ANK3: variants seen among roughly 807,000 people sequenced by gnomAD.
ANK3 encodes the protein ankyrin 3.
In ANK3, 57 loss-of-function variants were observed where a neutral mutation model predicts 370.9. The observed-to-expected ratio is 0.15, with a 90% CI of 0.12 to 0.19. The LOEUF is 0.19. ANK3 is among the 10% of genes least tolerant of loss of function. The pLI is 1.00. For synonymous variants in ANK3, 1,929 were observed against 1,946.3 expected (o/e 0.99, Z 0.23); for missense variants, 4,439 against 5,302.1 (o/e 0.84, Z 5.06).
intron 2 of ANK3, among the ~76,000 whole-genome samples, chr10:60,497,122 T>G (rs1385366824): frequency 6.6e-6 from 1 of 151,946 alleles, no homozygotes; most frequent in African/African-American, 2.4e-5. Flanking sequence ...GGCAACATGG[T>G]GAGATGCTGT....
At chr10:60,042,167 T>A (rs2131864921) in intron 43 of ANK3, among the ~76,000 whole-genome samples, 1 of 152,310 alleles carries the variant, frequency 6.6e-6, no homozygotes, top group South Asian at 2.1e-4. Flanking sequence ...AACCTCCTAT[T>A]TTTTCCTTTT....
intron 2 of ANK3, among the ~76,000 whole-genome samples, chr10:60,544,481 T>C (rs1246690376): frequency 6.6e-6 from 1 of 152,116 alleles, no homozygotes; most frequent in Non-Finnish European, 1.5e-5. Flanking sequence ...GCTTTCCATT[T>C]TTCCCCTATA....
intron 42 of ANK3, among the ~76,000 whole-genome samples, chr10:60,049,368 C>T (rs964145954): frequency 1.3e-5 from 2 of 152,194 alleles, no homozygotes; most frequent in African/African-American, 4.8e-5. Context: ...GTGGGCAGAT[C>T]ACAAGGTCAA....
At chr10:60,113,638 A>G (rs1376318025) in intron 26 of ANK3, among the ~76,000 whole-genome samples, 1 of 152,160 alleles carries the variant, frequency 6.6e-6, no homozygotes, top group Non-Finnish European at 1.5e-5. Flanking sequence ...TGGGCCCAGG[A>G]GGTAGAGGTT....
chr10:60,055,950 G>C lies in ANK3; in HGVS notation c.12773C>G (p.Thr4258Ser). Residue 4258 changes from threonine to serine, a missense_variant, in exon 42 of 44, where the codon ACT becomes AGT. By Grantham distance (58) the Thr-to-Ser change is moderately conservative. Around this residue, in one of 13 missense-constraint regions of ANK3, gnomAD observed 242 missense variants for 228.0 expected, o/e 1.06. Coordinates refer to ENST00000280772, the MANE Select transcript of ANK3 (RefSeq NM_020987.5). The stretch of plus-strand genomic sequence containing the variant: ...GTAAGATTTTGTCTTTGCTTCTGGA[G>C]TGATTTCTGTATGGCTTCCATTTGC... ...FEANGSHTEI[T>S]PEAKTKSYFP... is the part of the protein sequence containing the mutation. The C allele has an allele frequency of 1.9e-6, 3 of 1,614,082 alleles. No individual in the cohort carries two copies. The South Asian group carries it at 3.3e-5, about 18-fold the overall frequency.
chr10:60,551,217 A>G (rs1016244260), intron 2 of ANK3, among the ~76,000 whole-genome samples: 2 of 152,162 alleles, frequency 1.3e-5, no homozygotes, highest in Non-Finnish European at 1.5e-5. Context: ...TGCGGATTCA[A>G]AATGAAAAGG....
chr10:60,399,628 G>C (rs1163441794), intron 2 of ANK3, among the ~76,000 whole-genome samples: 1 of 152,122 alleles, frequency 6.6e-6, no homozygotes, highest in Non-Finnish European at 1.5e-5. Context: ...TGCAGGCAAG[G>C]AGCCGCTACA....
At chr10:60,442,398 C>A (rs1466645874) in intron 2 of ANK3, among the ~76,000 whole-genome samples, 2 of 152,050 alleles carry the variant, frequency 1.3e-5, no homozygotes, top group East Asian at 1.9e-4. Context: ...GCTGGACAAT[C>A]CTCCCATATG....
At position 60,072,151 on chromosome 10, in the gene ANK3, G is replaced by T; in HGVS notation, c.8730C>A (p.Asn2910Lys). The T allele has an allele frequency of 1.2e-6, 2 of 1,613,776 alleles. No individual in the cohort carries two copies. Among genetic ancestry groups the T allele is most frequent in the Non-Finnish European group, 1.7e-6 (2 of 1,179,978 alleles). Residue 2910 changes from asparagine to lysine, a missense_variant, in exon 37 of 44, where the codon AAC becomes AAA. Physicochemically the swap from Asn to Lys is moderately conservative, Grantham distance 94. Coordinates refer to ENST00000280772, the MANE Select transcript of ANK3 (RefSeq NM_020987.5). ...VTERERKLLT[N>K]GSLSEIKEMT... Reference sequence around the variant, plus strand: ...TTTCTTTAATTTCTGAGAGAGAGCCGTTTGTTAACAATTTGCGTTCTCTCT... The same window carrying T: ...TTTCTTTAATTTCTGAGAGAGAGCCTTTTGTTAACAATTTGCGTTCTCTCT...
intron 8 of ANK3, among the ~76,000 whole-genome samples, chr10:60,231,045 T>TGA (rs1372961340): frequency 1.3e-5 from 2 of 152,156 alleles, no homozygotes; most frequent in East Asian, 3.9e-4. Flanking sequence ...GCTGAGAGAG[T>TGA]GAGATCTTCA....
intron 2 of ANK3, among the ~76,000 whole-genome samples, chr10:60,475,142 G>A (rs1271279202): frequency 1.3e-5 from 2 of 152,052 alleles, no homozygotes; most frequent in African/African-American, 4.8e-5. Context: ...GGATTTGGAA[G>A]GACTAACACA....
intron 28 of ANK3, among the ~76,000 whole-genome samples, chr10:60,098,992 A>G (rs1419928812): frequency 6.6e-6 from 1 of 152,198 alleles, no homozygotes; most frequent in African/African-American, 2.4e-5. Context: ...TATTTTTAGA[A>G]GATTAATTTT....
At chr10:60,318,068 T>C (rs900038213) in intron 1 of ANK3, among the ~76,000 whole-genome samples, 2 of 152,180 alleles carry the variant, frequency 1.3e-5, no homozygotes, top group Non-Finnish European at 2.9e-5. Flanking sequence ...ATAGAAATGG[T>C]TTATTTTGGG....
chr10:60,466,965 T>C (rs1022411407), intron 2 of ANK3, among the ~76,000 whole-genome samples: 11 of 152,082 alleles, frequency 7.2e-5, no homozygotes, highest in Non-Finnish European at 1.3e-4. Flanking sequence ...AGTGTTCTTT[T>C]TGGGGGATGA....
chr10:60,475,355 A>G (rs529944798), intron 2 of ANK3, among the ~76,000 whole-genome samples: 1 of 152,288 alleles, frequency 6.6e-6, no homozygotes, highest in East Asian at 1.9e-4. Context: ...TACTGTAACT[A>G]TAGTTACTGA....
chr10:60,479,508 C>T (rs1227308119), intron 2 of ANK3, among the ~76,000 whole-genome samples: 2 of 152,140 alleles, frequency 1.3e-5, no homozygotes, highest in Non-Finnish European at 2.9e-5. Context: ...TGTTAAGTGA[C>T]ACATGACTGC....
At chr10:60,695,301 G>A (rs909733636) in intron 1 of ANK3, among the ~76,000 whole-genome samples, 3 of 151,836 alleles carry the variant, frequency 2.0e-5, no homozygotes, top group Non-Finnish European at 4.4e-5. Context: ...CATTAATAAT[G>A]GGAGACTTTA....
chr10:60,595,618 G>A (rs1473114745), intron 2 of ANK3, among the ~76,000 whole-genome samples: 1 of 152,164 alleles, frequency 6.6e-6, no homozygotes, highest in Non-Finnish European at 1.5e-5. Flanking sequence ...TGTGACTCCT[G>A]AGCTATAATT....
At chr10:60,251,069 C>G (rs2097656615) in intron 7 of ANK3, among the ~76,000 whole-genome samples, 2 of 152,146 alleles carry the variant, frequency 1.3e-5, no homozygotes, top group African/African-American at 4.8e-5. Flanking sequence ...TTCTTGCTTC[C>G]TAGTATAAAA....
Sources: allele counts gnomAD v4.1 joint callset (sites outside exome capture counted in the v4.1 genomes callset), GRCh38; gene constraint gnomAD v4.1.1; regional missense constraint gnomAD v4.1.1; transcripts MANE v1.5; gene names NCBI Gene and HGNC (gene_info 2026-07-23, HGNC 2026-07-21).